The following IKBKB variants were observed in gnomAD, a reference collection of about 807,000 sequenced individuals.
IKBKB encodes inhibitor of nuclear factor kappa-B kinase subunit beta.
A neutral mutation model predicts 113.6 loss-of-function variants in IKBKB; 42 were observed. The observed-to-expected ratio is 0.37, with a 90% CI of 0.29 to 0.48. The LOEUF (loss-of-function observed/expected upper bound fraction) is 0.48. Among genes scored for constraint, IKBKB ranks in the 20% least tolerant of loss-of-function variants. IKBKB has a pLI of 0.99. For missense variants in IKBKB, 673 were observed against 939.7 expected, an observed-to-expected ratio of 0.72 and a Z score of 3.71; for synonymous variants, 296 against 361.3, an observed-to-expected ratio of 0.82 and a Z score of 2.05.
intron 2 of IKBKB, among the ~76,000 whole-genome samples, chr8:42,277,027 C>A (rs562489499): frequency 6.6e-6 from 1 of 150,512 alleles, no homozygotes; most frequent in Non-Finnish European, 1.5e-5. Context: ...CCACCACCCC[C>A]GACTAATTTT....
intron 5 of IKBKB, among the ~76,000 whole-genome samples, chr8:42,294,006 A>G (rs1454548755): frequency 6.6e-6 from 1 of 152,226 alleles, no homozygotes; most frequent in Non-Finnish European, 1.5e-5. Context: ...CTGGCCATTC[A>G]TGGAGAAGAG....
intron 15 of IKBKB, chr8:42,319,903 C>A (rs1819446775): frequency 9.7e-6 from 4 of 410,708 alleles, no homozygotes; most frequent in Non-Finnish European, 1.7e-5. Context: ...GGGTTAGGTT[C>A]CCTTGGGGAA....
intron 4 of IKBKB, among the ~76,000 whole-genome samples, chr8:42,291,352 T>G (rs956670347): frequency 2.6e-5 from 4 of 152,136 alleles, no homozygotes; most frequent in Non-Finnish European, 5.9e-5. Flanking sequence ...TGGCTAATTT[T>G]TGTATTTTTA....
chr8:42,300,969 C>T (rs1815080586), intron 5 of IKBKB, among the ~76,000 whole-genome samples: 2 of 152,208 alleles, frequency 1.3e-5, no homozygotes, highest in Admixed American at 1.3e-4. Context: ...ATCCTCTCAC[C>T]TCAGTCTCCC....
At chr8:42,324,037 G>C (rs1585807984) in intron 19 of IKBKB, among the ~76,000 whole-genome samples, 2 of 152,108 alleles carry the variant, frequency 1.3e-5, no homozygotes, top group African/African-American at 4.8e-5. Flanking sequence ...TGTGCACAGG[G>C]GGAGCTCCAG....
chr8:42,318,150 A>G (rs1038792728), intron 12 of IKBKB, among the ~76,000 whole-genome samples: 1 of 151,888 alleles, frequency 6.6e-6, no homozygotes, highest in Non-Finnish European at 1.5e-5. Context: ...TAGTCCAGCT[A>G]TTCAGGAGGC....
chr8:42,330,199 CT>C (rs1821507510), intron 21 of IKBKB: 1 of 985,408 alleles, frequency 1.0e-6, no homozygotes, highest in Non-Finnish European at 1.2e-6. Flanking sequence ...CTGACGTCGA[CT>C]TTCTAATTCC....
At chr8:42,321,760 G>A (rs1445067444) in intron 16 of IKBKB, 136 bp from the exon 17 acceptor site, 4 of 628,954 alleles carry the variant, frequency 6.4e-6, no homozygotes, top group Non-Finnish European at 1.1e-5. Flanking sequence ...GGATGCCAAG[G>A]CAAGAAGATT....
intron 2 of IKBKB, among the ~76,000 whole-genome samples, chr8:42,286,277 G>A (rs993440954): frequency 6.6e-6 from 1 of 152,054 alleles, no homozygotes; most frequent in African/African-American, 2.4e-5. Context: ...TCGGTGTTAA[G>A]GATTGGTTTA....
At chr8:42,293,057 GGGT>G (rs1009213714) in intron 4 of IKBKB, among the ~76,000 whole-genome samples, 3 of 152,180 alleles carry the variant, frequency 2.0e-5, no homozygotes, top group Admixed American at 2.0e-4. Context: ...GGTGGTCGGA[GGGT>G]GGTATCCAGT....
At chr8:42,328,947 A>G (rs979819979) in intron 20 of IKBKB, among the ~76,000 whole-genome samples, 177 bp from the exon 21 acceptor site, 1 of 152,230 alleles carries the variant, frequency 6.6e-6, no homozygotes, top group East Asian at 1.9e-4. Context: ...GAAAGTGCAT[A>G]ACAAGATGAA....
At chr8:42,300,674 C>T (rs1815000757) in intron 5 of IKBKB, among the ~76,000 whole-genome samples, 1 of 152,154 alleles carries the variant, frequency 6.6e-6, no homozygotes, top group African/African-American at 2.4e-5. Context: ...GTGCCTTCCT[C>T]ATGAGCCAGG....
Position 42,300,888 on chromosome 8 carries a change from TC to T in IKBKB, c.389-4298del, listed in dbSNP as rs1815058736. On this transcript the variant is annotated intron_variant, in intron 5 of 21. Transcript: ENST00000520810. ...CATTTTTCTAGAGGCAGGGTCTTGC[TC>T]TGTTGTCCGGGCTAGAGTGCAGTGG... 2.6e-5 allele frequency among the ~76,000 whole-genome samples: 4 copies of T among 152,332 alleles called. No individual in the cohort carries two copies. The South Asian group carries it at 8.3e-4, about 32-fold the overall frequency.
At chr8:42,321,657 G>C in intron 16 of IKBKB, 2 of 454,290 alleles carry the variant, frequency 4.4e-6, no homozygotes, top group Non-Finnish European at 7.9e-6. Flanking sequence ...AAGTAACCGG[G>C]ACTACAGGCG....
rs1431269507 is a variant in IKBKB, at chr8:42,318,580, C to T, written c.1269C>T (p.Phe423=). 1 of 1,614,078 alleles carries T rather than the reference C, an allele frequency of 6.2e-7. No homozygotes were observed. Among genetic ancestry groups the T allele is most frequent in the Admixed American group, 1.7e-5 (1 of 60,024 alleles). Residue 423 remains phenylalanine (F), a synonymous_variant, in exon 13 of 22, where the codon TTC becomes TTT. Transcript: ENST00000520810. ...AAGAGCCCAAGAGGAATCTCGCCTT[C>T]TTCCAGCTGAGGAAGGTGTGGGGCC... ...ILQEPKRNLA[F]FQLRKVWGQV...
intron 2 of IKBKB, among the ~76,000 whole-genome samples, chr8:42,274,980 G>A (rs528155594): frequency 3.3e-4 from 50 of 151,940 alleles, no homozygotes; most frequent in African/African-American, 1.1e-3. Flanking sequence ...AGGTTCAAGC[G>A]ATTCTCCAGC....
intron 19 of IKBKB, chr8:42,325,142 G>A (rs974064591): frequency 2.5e-6 from 2 of 806,628 alleles, no homozygotes; most frequent in South Asian, 1.1e-4. Context: ...CAGCAGAGGG[G>A]TGACCTGAAG....
chr8:42,312,149 G>A (rs558058231), intron 8 of IKBKB, among the ~76,000 whole-genome samples: 6 of 152,342 alleles, frequency 3.9e-5, no homozygotes, highest in South Asian at 2.1e-4. Context: ...GCCTCCCAAA[G>A]TGCTGGGATT....
chr8:42,327,396 C>T lies in IKBKB; in HGVS notation c.2114+1299C>T, dbSNP rs111473455. ...TTGCCCAGGCTGGAGTGCAGTGGCG[C>T]GATCTTGGCTCACTGCAACCTCCAC... On this transcript the variant is annotated intron_variant, in intron 20 of 21. Transcript: ENST00000520810. 2.5e-3 allele frequency among the ~76,000 whole-genome samples: 358 copies of T among 145,660 alleles called. 4 individuals are homozygous for T. The Middle Eastern group carries it at 0.025, about 10-fold the overall frequency.
Sources: allele counts gnomAD v4.1 joint callset (sites outside exome capture counted in the v4.1 genomes callset), GRCh38; gene constraint gnomAD v4.1.1; transcripts MANE v1.5; gene names NCBI Gene and HGNC (gene_info 2026-07-23, HGNC 2026-07-21).